Variants in NRG1 observed in about 807,000 individuals in gnomAD.
NRG1 encodes the protein pro-neuregulin-1, membrane-bound isoform.
A neutral mutation model predicts 63.8 loss-of-function variants in NRG1; 18 were observed. The observed-to-expected ratio is 0.28, with a 90% confidence interval of 0.19 to 0.42. NRG1 has a LOEUF of 0.42. Ranked by LOEUF, NRG1 falls within the 10% of genes least tolerant of loss-of-function variation. NRG1 has a pLI of 1.00. For synonymous variants in NRG1, 302 were observed against 301.3 expected, an observed-to-expected ratio of 1.00 and a Z score of -0.02; for missense variants, 762 against 814.7, an observed-to-expected ratio of 0.94 and a Z score of 0.79.
chr8:31,725,565 A>G (rs1813350545), intron 1 of NRG1, among the ~76,000 whole-genome samples: 1 of 152,176 alleles, frequency 6.6e-6, no homozygotes, highest in South Asian at 2.1e-4. Context: ...GATGACTCTC[A>G]GTTTGAATAG....
chr8:32,024,047 G>T, intron 1 of NRG1, among the ~76,000 whole-genome samples: 1 of 152,090 alleles, frequency 6.6e-6, no homozygotes, highest in East Asian at 1.9e-4. Flanking sequence ...CTTATCAATG[G>T]GTCTTTCAGG....
intron 1 of NRG1, among the ~76,000 whole-genome samples, chr8:32,174,904 A>C (rs970640072): frequency 2.0e-5 from 3 of 152,228 alleles, no homozygotes; most frequent in Non-Finnish European, 4.4e-5. Flanking sequence ...ACCGAGGTAC[A>C]AGGAGGAGCT....
chr8:31,951,667 A>C (rs1444088905), intron 1 of NRG1, among the ~76,000 whole-genome samples: 2 of 152,344 alleles, frequency 1.3e-5, no homozygotes, highest in Non-Finnish European at 2.9e-5. Context: ...TGAATTGATG[A>C]GGGAAAGAAA....
chr8:32,718,280 A>G (rs1041453607), intron 5 of NRG1, among the ~76,000 whole-genome samples: 1 of 152,184 alleles, frequency 6.6e-6, no homozygotes, highest in Admixed American at 6.5e-5. Flanking sequence ...GGTGTAGTAC[A>G]AGGTGTGAAA....
At chr8:31,756,161 C>T in intron 1 of NRG1, among the ~76,000 whole-genome samples, 1 of 152,126 alleles carries the variant, frequency 6.6e-6, no homozygotes, top group East Asian at 1.9e-4. Flanking sequence ...CAACTGAAGT[C>T]TCAATTCACG....
chr8:32,384,971 C>G (rs1302985987), intron 1 of NRG1, among the ~76,000 whole-genome samples: 1 of 152,158 alleles, frequency 6.6e-6, no homozygotes, highest in Non-Finnish European at 1.5e-5. Context: ...AACTTGTCCC[C>G]TTATTCTAGG....
intron 1 of NRG1, among the ~76,000 whole-genome samples, chr8:31,933,171 T>C (rs1464408001): frequency 6.6e-6 from 1 of 152,214 alleles, no homozygotes; most frequent in East Asian, 1.9e-4. Context: ...TACTCGTGTT[T>C]TTTAAAGGAT....
intron 1 of NRG1, among the ~76,000 whole-genome samples, chr8:32,513,857 A>G (rs781350518): frequency 2.4e-4 from 36 of 152,300 alleles, no homozygotes; most frequent in South Asian, 2.1e-4. Context: ...CAGTTTTACC[A>G]TATCAACACA....
At chr8:32,109,293 T>C (rs1360694391) in intron 1 of NRG1, among the ~76,000 whole-genome samples, 1 of 152,170 alleles carries the variant, frequency 6.6e-6, no homozygotes, top group Non-Finnish European at 1.5e-5. Flanking sequence ...AGAGGCACAA[T>C]AGATCATGAT....
intron 1 of NRG1, among the ~76,000 whole-genome samples, chr8:32,496,746 T>A (rs1827243562): frequency 6.6e-6 from 1 of 152,210 alleles, no homozygotes; most frequent in South Asian, 2.1e-4. Flanking sequence ...AATGGCTTCA[T>A]TATCACTATT....
intron 1 of NRG1, among the ~76,000 whole-genome samples, chr8:32,258,481 A>G (rs1375281714): frequency 6.6e-6 from 1 of 152,168 alleles, no homozygotes; most frequent in African/African-American, 2.4e-5. Flanking sequence ...ACACTGCTAT[A>G]AAGAACTTCC....
At chr8:32,719,369 G>A (rs1316665157) in intron 5 of NRG1, among the ~76,000 whole-genome samples, 1 of 151,880 alleles carries the variant, frequency 6.6e-6, no homozygotes, top group East Asian at 1.9e-4. Flanking sequence ...ACCCACTTCA[G>A]CCGTTATCAG....
chr8:31,994,366 T>G (rs1811568149), intron 1 of NRG1, among the ~76,000 whole-genome samples: 1 of 151,778 alleles, frequency 6.6e-6, no homozygotes, highest in Admixed American at 6.6e-5. Context: ...AGAAGAAGTC[T>G]CCTAGGCTGG....
At chr8:31,838,547 T>C (rs1825893109) in intron 1 of NRG1, among the ~76,000 whole-genome samples, 1 of 152,186 alleles carries the variant, frequency 6.6e-6, no homozygotes, top group Admixed American at 6.5e-5. Context: ...TCGAAAAGCA[T>C]TGAATCTTTC....
intron 1 of NRG1, among the ~76,000 whole-genome samples, chr8:32,051,225 A>G (rs1018475693): frequency 6.6e-6 from 1 of 152,128 alleles, no homozygotes; most frequent in Non-Finnish European, 1.5e-5. Flanking sequence ...TATGTATTTA[A>G]AATACGTCTT....
chr8:32,356,615 G>A (rs1311281136), intron 1 of NRG1, among the ~76,000 whole-genome samples: 4 of 151,984 alleles, frequency 2.6e-5, no homozygotes, highest in East Asian at 1.9e-4. Context: ...GATCTGCTAC[G>A]TGCAAATGGG....
chr8:31,796,839 A>G (rs1821278827), intron 1 of NRG1, among the ~76,000 whole-genome samples: 2 of 152,062 alleles, frequency 1.3e-5, no homozygotes, highest in Non-Finnish European at 2.9e-5. Context: ...TTTTTTTCCA[A>G]CCAACATGGG....
chr8:32,371,516 T>TA (rs1808857524), intron 1 of NRG1, among the ~76,000 whole-genome samples: 1 of 152,130 alleles, frequency 6.6e-6, no homozygotes, highest in African/African-American at 2.4e-5. Flanking sequence ...ATAGCCACGT[T>TA]AAAAAAACAA....
intron 1 of NRG1, among the ~76,000 whole-genome samples, chr8:31,761,412 C>G (rs1195855323): frequency 1.3e-5 from 2 of 151,878 alleles, no homozygotes; most frequent in Non-Finnish European, 2.9e-5. Flanking sequence ...CGTAACTAAC[C>G]TGCACATTGT....
Sources: gnomAD v4.1 joint callset for allele counts (sites outside exome capture counted in the v4.1 genomes callset) on GRCh38, gnomAD v4.1.1 for gene constraint, MANE v1.5 for transcripts, NCBI Gene and HGNC (gene_info 2026-07-23, HGNC 2026-07-21) for gene names.